NEGR1: variants seen among roughly 807,000 people sequenced by gnomAD.
The protein encoded by NEGR1 is neuronal growth regulator 1.
Under a neutral mutation model 40.9 loss-of-function variants are expected in NEGR1, and 10 were observed. The ratio of observed to expected loss-of-function variants is 0.24; its 90% CI spans 0.15 to 0.42. The LOEUF is 0.42. Ranked by LOEUF, NEGR1 falls within the 10% of genes least tolerant of loss-of-function variation. The probability of loss-of-function intolerance (pLI) is 1.00; values close to 1 mark genes in which losing one functional copy is unlikely to be tolerated. For synonymous variants in NEGR1, 185 were observed against 166.8 expected (o/e 1.11, Z -0.84); for missense variants, 352 against 438.9 (o/e 0.80, Z 1.77).
At chr1:71,646,120 G>T (rs1211967128) in intron 4 of NEGR1, among the ~76,000 whole-genome samples, 1 of 151,518 alleles carries the variant, frequency 6.6e-6, no homozygotes, top group Non-Finnish European at 1.5e-5. Flanking sequence ...ATATGTATGT[G>T]CTTGTGTATG....
At chr1:71,545,006 G>A (rs1364455219) in intron 6 of NEGR1, among the ~76,000 whole-genome samples, 2 of 151,622 alleles carry the variant, frequency 1.3e-5, no homozygotes, top group Non-Finnish European at 3.0e-5. Flanking sequence ...ATTGGCTGCT[G>A]GCTTAATGAA....
At chr1:71,929,874 T>C (rs1557440360) in intron 2 of NEGR1, among the ~76,000 whole-genome samples, 1 of 152,170 alleles carries the variant, frequency 6.6e-6, no homozygotes, top group Non-Finnish European at 1.5e-5. Flanking sequence ...TTAGTATTCA[T>C]TGAAAGGATG....
chr1:71,797,962 C>T (rs1279617289), intron 2 of NEGR1: 1 of 151,856 alleles, frequency 6.6e-6, no homozygotes, highest in African/African-American at 2.4e-5. Context: ...ACTATAAAAT[C>T]TGTATGTTTT....
intron 3 of NEGR1, among the ~76,000 whole-genome samples, chr1:71,756,394 CAAAAAACAAAAACAAACA>C (rs1381561114): frequency 1.4e-3 from 81 of 58,658 alleles, no homozygotes; most frequent in African/African-American, 5.1e-3. Flanking sequence ...CTCAAAAAAA[CAAAAAACAAAAACAAACA>C]AAAAAAAAAA....
chr1:71,607,840 C>A (rs941010395), intron 5 of NEGR1, among the ~76,000 whole-genome samples: 2 of 152,062 alleles, frequency 1.3e-5, no homozygotes, highest in African/African-American at 4.8e-5. Flanking sequence ...ACTACAGGTG[C>A]CTGCCACCAT....
intron 1 of NEGR1, among the ~76,000 whole-genome samples, chr1:72,112,322 T>C (rs986464376): frequency 3.3e-5 from 5 of 151,750 alleles, no homozygotes; most frequent in African/African-American, 1.2e-4. Flanking sequence ...TCTGAAAATG[T>C]AAAGTAGTAA....
intron 1 of NEGR1, among the ~76,000 whole-genome samples, chr1:71,947,089 TACACACACACACACACACAC>T (rs3078155): frequency 0.13 from 16,949 of 129,108 alleles, 1,054 homozygotes; most frequent in Middle Eastern, 0.25. Flanking sequence ...TCCTGTCTCA[TACACACACACACACACACAC>T]ACACACACAC....
chr1:71,633,607 T>C (rs554770619), intron 4 of NEGR1, among the ~76,000 whole-genome samples: 1 of 152,036 alleles, frequency 6.6e-6, no homozygotes, highest in Non-Finnish European at 1.5e-5. Flanking sequence ...CCATGGAAAG[T>C]TAGAGAGGGA....
At chr1:71,854,162 C>T (rs530383423) in intron 2 of NEGR1, among the ~76,000 whole-genome samples, 51 of 152,168 alleles carry the variant, frequency 3.4e-4, no homozygotes, top group Non-Finnish European at 5.7e-4. Flanking sequence ...ATGTTCTCTT[C>T]GAAACTTTCC....
intron 2 of NEGR1, among the ~76,000 whole-genome samples, chr1:71,888,169 A>G (rs1361507043): frequency 1.3e-5 from 2 of 152,056 alleles, no homozygotes; most frequent in African/African-American, 2.4e-5. Context: ...CCTATCTCTG[A>G]ATAGAAAAAG....
At chr1:72,178,918 G>C (rs1043591694) in intron 1 of NEGR1, among the ~76,000 whole-genome samples, 3 of 151,604 alleles carry the variant, frequency 2.0e-5, no homozygotes, top group Non-Finnish European at 4.4e-5. Context: ...TTGTTAATTT[G>C]TTTGAGTTGC....
intron 1 of NEGR1, among the ~76,000 whole-genome samples, chr1:72,125,044 T>C (rs924570332): frequency 6.6e-5 from 10 of 152,122 alleles, no homozygotes; most frequent in African/African-American, 2.2e-4. Flanking sequence ...TTGTCATCAC[T>C]GTACGTCACT....
intron 2 of NEGR1, among the ~76,000 whole-genome samples, chr1:71,811,681 T>A (rs1459830878): frequency 2.6e-5 from 4 of 150,952 alleles, no homozygotes; most frequent in Admixed American, 6.6e-5. Context: ...TATAAGCCTG[T>A]TTTAGAGAAG....
chr1:71,918,048 TC>T (rs1366297134), intron 2 of NEGR1, among the ~76,000 whole-genome samples: 1 of 149,400 alleles, frequency 6.7e-6, no homozygotes, highest in African/African-American at 2.5e-5. Flanking sequence ...AAACCCCGTC[TC>T]TACTAGAAAT....
intron 6 of NEGR1, among the ~76,000 whole-genome samples, chr1:71,496,299 C>A (rs1284255323): frequency 2.6e-5 from 4 of 151,964 alleles, no homozygotes; most frequent in Non-Finnish European, 5.9e-5. Flanking sequence ...ATTAAAAGGG[C>A]AGAAATGGGC....
Position 72,126,976 on chromosome 1 carries a change from C to T in NEGR1, c.176+155343G>A, listed in dbSNP as rs553185138. Among the ~76,000 whole-genome samples, 22 of 152,284 alleles carry T rather than the reference C, an allele frequency of 1.4e-4. No individual in the cohort carries two copies. In the East Asian group the frequency reaches 3.7e-3, roughly 25 times the overall value. On this transcript the variant is annotated intron_variant, in intron 1 of 6. Transcript: ENST00000357731. Reference sequence around the variant, plus strand: ...GTCTGCACACAAATCCGACTTTTTCCCTGGAGGGAGTCACTATCTGTCTCT... The same window carrying T: ...GTCTGCACACAAATCCGACTTTTTCTCTGGAGGGAGTCACTATCTGTCTCT...
chr1:72,148,751 A>G (rs1264436778), intron 1 of NEGR1, among the ~76,000 whole-genome samples: 1 of 152,148 alleles, frequency 6.6e-6, no homozygotes, highest in East Asian at 1.9e-4. Context: ...TCTTTGATAA[A>G]ACATAACAAC....
Position 71,920,110 on chromosome 1 carries a change from C to T in NEGR1, c.409+14969G>A, listed in dbSNP as rs1197138871. Among the ~76,000 whole-genome samples the T allele has an allele frequency of 2.0e-5, 3 of 152,274 alleles. No individual in the cohort carries two copies. The East Asian group carries it at 5.8e-4, about 29-fold the overall frequency. The stretch of plus-strand genomic sequence containing the variant: ...CCATTTTCCCCATTGCTTCTACATG[C>T]TCAAACCACCTCCAAGCCATCTCCA... On this transcript the variant is annotated intron_variant, in intron 2 of 6. Coordinates refer to ENST00000357731, the MANE Select transcript of NEGR1 (RefSeq NM_173808.3).
chr1:71,561,453 G>T (rs937824203), intron 6 of NEGR1, among the ~76,000 whole-genome samples: 4 of 151,440 alleles, frequency 2.6e-5, no homozygotes, highest in Non-Finnish European at 5.9e-5. Flanking sequence ...ATTGCATTTT[G>T]CTCTTTAAAG....
Sources: allele counts gnomAD v4.1 joint callset (sites outside exome capture counted in the v4.1 genomes callset), GRCh38; gene constraint gnomAD v4.1.1; transcripts MANE v1.5; gene names NCBI Gene and HGNC (gene_info 2026-07-23, HGNC 2026-07-21).